The following SON variants were observed in gnomAD, a reference collection of about 807,000 sequenced individuals.
The protein encoded by SON is SON DNA and RNA binding protein.
In SON, 4 loss-of-function variants were observed where a neutral mutation model predicts 173.3. The ratio of observed to expected loss-of-function variants is 0.02; its 90% CI spans 0.01 to 0.05. The LOEUF is 0.05. SON is among the 10% of genes least tolerant of loss of function. The pLI, the probability that SON is intolerant of heterozygous loss-of-function variation, is 1.00. For missense variants in SON, 2,626 were observed against 3,055.3 expected, an observed-to-expected ratio of 0.86 and a Z score of 3.31; for synonymous variants, 1,190 against 1,105.9, an observed-to-expected ratio of 1.08 and a Z score of -1.51.
rs73900349 is a variant in SON at position 33,551,781 on chromosome 21, C to G, written c.2550C>G (p.Thr850=). ...TMDSQMLATS[T]MDSQMLATSS... The stretch of plus-strand genomic sequence containing the variant: ...ATTCTCAGATGTTAGCAACCAGCAC[C>G]ATGGACTCCCAGATGTTAGCAACTA... Residue 850 remains threonine (T), a synonymous_variant, in exon 3 of 12, where the codon ACC becomes ACG. Coordinates refer to ENST00000356577, the MANE Select transcript of SON (RefSeq NM_138927.4). The G allele has an allele frequency of 2.5e-6, 4 of 1,612,946 alleles. No individual in the cohort carries two copies. The African/African-American group carries it at 5.4e-5, about 22-fold the overall frequency.
Position 33,555,018 on chromosome 21 carries a change from T to G in SON, c.5787T>G (p.Ser1929Arg). ...GAAGTCGAACCCCAAGTCGTCGGAG[T>G]CGGAGTCATACTCCAAGTCGTCGAC... ...RARSRTPSRRSRSHTPSRRRR... is the reference protein window; with the variant it reads ...RARSRTPSRRRRSHTPSRRRR... Residue 1929 changes from serine to arginine, a missense_variant, in exon 3 of 12, where the codon AGT (serine) becomes AGG (arginine). This residue lies in a region of SON where 138 missense variants were observed against 222.9 expected (regional missense o/e 0.62). Coordinates refer to ENST00000356577, the MANE Select transcript of SON (RefSeq NM_138927.4). 6.2e-7 allele frequency: 1 copy of G among 1,612,298 alleles called. No individual in the cohort carries two copies. The highest frequency in any genetic ancestry group is 8.5e-7 in the Non-Finnish European group (1 of 1,179,822).
intron 6 of SON, among the ~76,000 whole-genome samples, chr21:33,562,916 GT>G (rs2145858031): frequency 6.6e-6 from 1 of 152,242 alleles, no homozygotes; most frequent in Admixed American, 6.5e-5. Flanking sequence ...TCAATCAAAT[GT>G]TTTAGGGGTC....
At chr21:33,546,458 G>A in intron 2 of SON, 79 bp downstream of exon 2, 1 of 1,140,320 alleles carries the variant, frequency 8.8e-7, no homozygotes. Flanking sequence ...GTTAGTTTTT[G>A]ACTTCAGTAT....
At position 33,551,986 on chromosome 21, in the gene SON, G is replaced by T; in HGVS notation, c.2755G>T (p.Asp919Tyr). The change falls in exon 3 of 12, where the codon GAT (aspartate) becomes TAT (tyrosine). Residue 919 changes from aspartate (D) to tyrosine (Y), a missense_variant. This residue lies in a region of SON where 366 missense variants were observed against 448.6 expected (regional missense o/e 0.82). Coordinates refer to ENST00000356577, the MANE Select transcript of SON (RefSeq NM_138927.4). ...KSPDPYRLAQ[D>Y]PYRLAQDPYR... ...TCCTGATCCCTATAGGTTAGCTCAG[G>T]ATCCTTACAGGTTAGCTCAGGATCC... 6.2e-7 allele frequency: 1 copy of T among 1,613,892 alleles called. No homozygotes were observed. The highest frequency in any genetic ancestry group is 2.2e-5 in the East Asian group (1 of 44,876).
intron 4 of SON, chr21:33,557,712 A>T: frequency 7.0e-7 from 1 of 1,433,086 alleles, no homozygotes; most frequent in Non-Finnish European, 9.1e-7. Context: ...AATCTTCAGA[A>T]ATGATCTTTT....
At position 33,550,262 on chromosome 21, in the gene SON, T is replaced by C; in HGVS notation, c.1031T>C (p.Val344Ala). The change falls in exon 3 of 12, where the codon GTA becomes GCA. Residue 344 changes from valine to alanine, a missense_variant. Physicochemically the swap from Val to Ala is moderately conservative, Grantham distance 64. This residue lies in a region of SON where 757 missense variants were observed against 730.1 expected (regional missense o/e 1.04). Transcript: ENST00000356577. ...GCGCTAAGATTGCCAGAGCAGCCTG[T>C]AGACGTACCATCGGAGATTGCAGAT... ...IEALRLPEQP[V>A]DVPSEIADSS... The C allele has an allele frequency of 6.2e-7, 1 of 1,613,816 alleles. No homozygotes were observed. Among genetic ancestry groups the C allele is most frequent in the Non-Finnish European group, 8.5e-7 (1 of 1,179,934 alleles).
At chr21:33,567,373 G>A (rs554910849) in intron 7 of SON, 106 bp downstream of exon 7, 5 of 695,822 alleles carry the variant, frequency 7.2e-6, no homozygotes, top group South Asian at 3.1e-5. Context: ...AGATGGTTGA[G>A]TTGTAACATC....
intron 2 of SON, among the ~76,000 whole-genome samples, chr21:33,548,175 CCTT>C (rs1037757896): frequency 4.9e-4 from 75 of 152,208 alleles, no homozygotes; most frequent in Admixed American, 1.8e-3. Flanking sequence ...TAAATTCAAA[CCTT>C]CTTAAGTTGT....
chr21:33,553,710 T>C lies in SON; in HGVS notation c.4479T>C (p.Asp1493=), dbSNP rs185742164. Residue 1493 remains aspartate, a synonymous_variant, in exon 3 of 12, where the codon GAT becomes GAC. Coordinates refer to ENST00000356577, the MANE Select transcript of SON (RefSeq NM_138927.4). ...AAGGAATTAATCTATCCTCTGGTGA[T>C]CAAAATCTTGCTCCAGAGATTGGCA... is the stretch of plus-strand genomic sequence containing the variant. ...VMKGINLSSG[D]QNLAPEIGMQ... 1 of 1,613,978 alleles carries C rather than the reference T, an allele frequency of 6.2e-7. No homozygotes were observed. The highest frequency in any genetic ancestry group is 1.3e-5 in the African/African-American group (1 of 75,034).
intron 2 of SON, among the ~76,000 whole-genome samples, chr21:33,548,201 A>G (rs540070586): frequency 5.4e-4 from 82 of 151,912 alleles, no homozygotes; most frequent in African/African-American, 2.0e-3. Flanking sequence ...ATTAAGGACT[A>G]AGAATTTCCT....
Position 33,551,083 on chromosome 21 carries a change from C to T in SON, c.1852C>T (p.Leu618=), listed in dbSNP as rs2085769330. ...GGGGCAGTCTGGGGCAGCTGGAGCA[C>T]TGGAGCTTTTGGGGCAGCCTCTGGC... ...FSGQSGAAGA[L]ELLGQPLATG... is the part of the protein sequence containing the mutation. Residue 618 remains leucine (L), a synonymous_variant, in exon 3 of 12, where the codon CTG becomes TTG. Transcript: ENST00000356577. The T allele has an allele frequency of 1.9e-6, 3 of 1,612,640 alleles. No homozygotes were observed. The highest frequency in any genetic ancestry group is 2.5e-6 in the Non-Finnish European group (3 of 1,179,330).
rs760341788 is a variant in SON, at chr21:33,554,439, G to A, written c.5208G>A (p.Pro1736=). 1.4e-5 allele frequency: 23 copies of A among 1,613,996 alleles called. No homozygotes were observed. The highest frequency in any genetic ancestry group is 6.7e-5 in the Admixed American group (4 of 60,012). The change falls in exon 3 of 12, where the codon CCG becomes CCA. Residue 1736 remains proline, a synonymous_variant. Transcript: ENST00000356577. ...TTAATGAAGCAGATTTAGTGAGACC[G>A]TTACTTCCTAAGGACATGGAACGTC... is the stretch of plus-strand genomic sequence containing the variant. The part of the protein sequence containing the change: ...EDINEADLVR[P]LLPKDMERLT...
chr21:33,549,876 A>C lies in SON; in HGVS notation c.645A>C (p.Ser215=). ...CAGCTACAAAAACTGCAGAACTGTC[A>C]GTTGTATCTACATCAGTAATCTCAG... ...LKPATKTAEL[S]VVSTSVISEQ... is the part of the protein sequence containing the mutation. Residue 215 remains serine, a synonymous_variant, in exon 3 of 12, where the codon TCA becomes TCC. Coordinates refer to ENST00000356577, the MANE Select transcript of SON (RefSeq NM_138927.4). The C allele has an allele frequency of 6.2e-7, 1 of 1,614,262 alleles. No individual in the cohort carries two copies. The highest frequency in any genetic ancestry group is 8.5e-7 in the Non-Finnish European group (1 of 1,180,052).
chr21:33,573,331 G>T lies in SON; in HGVS notation c.6909G>T (p.Pro2303=), dbSNP rs770986559. ...IKKDQFLRAA[P]VTGGMGAVLM... ...AGGATCAGTTCTTAAGAGCAGCCCC[G>T]GTAACTGGAGGAATGGGAGCCGTTT... is the stretch of plus-strand genomic sequence containing the variant. Residue 2303 remains proline, a synonymous_variant, in exon 9 of 12, where the codon CCG becomes CCT. Transcript: ENST00000356577. The T allele has an allele frequency of 1.2e-6, 2 of 1,611,192 alleles. No individual in the cohort carries two copies. The highest frequency in any genetic ancestry group is 2.7e-5 in the African/African-American group (2 of 74,922).
chr21:33,563,825 C>T (rs2086114327), intron 6 of SON, among the ~76,000 whole-genome samples: 1 of 152,138 alleles, frequency 6.6e-6, no homozygotes, highest in South Asian at 2.1e-4. Context: ...ATGCCTCAGA[C>T]ACCTTTGTAG....
At chr21:33,569,474 T>A in intron 8 of SON, 1 of 351,006 alleles carries the variant, frequency 2.8e-6, no homozygotes, top group South Asian at 2.3e-5. Context: ...GATACTTTAT[T>A]ACAGGTTTAT....
At position 33,555,162 on chromosome 21, in the gene SON, C is replaced by CCGCACCCCCAGCCGCCGG. The variant is rs1569059542; in HGVS notation, c.5931_5932insCGCACCCCCAGCCGCCGG (p.Arg1972_Arg1977dup). The CCGCACCCCCAGCCGCCGG allele has an allele frequency of 1.4e-5, 20 of 1,432,288 alleles. No individual in the cohort carries two copies. The African/African-American group carries it at 4.0e-4, about 29-fold the overall frequency. 88.7% of individuals were successfully genotyped at this position (1,432,288 alleles called of 1,614,324 possible). A position where few individuals can be genotyped will look rare whatever the true frequency, so the allele number is the denominator to read the frequency against. ...GCCGCAGCCGCACCCCCAGCCGCCG[C>CCGCACCCCCAGCCGCCGG]AGCCGCACCCCCAGCCGCCGGAGCC... On this transcript the variant is annotated inframe_insertion, in exon 3 of 12. Transcript: ENST00000356577.
chr21:33,573,237 A>G, intron 8 of SON, 71 bp from the exon 9 acceptor site: 3 of 1,282,644 alleles, frequency 2.3e-6, no homozygotes, highest in Non-Finnish European at 3.3e-6. Context: ...CTTTTTAGAA[A>G]GTAAACAATG....
chr21:33,550,805 C>T lies in SON; in HGVS notation c.1574C>T (p.Pro525Leu). Residue 525 changes from proline to leucine, a missense_variant, in exon 3 of 12, where the codon CCT (proline) becomes CTT (leucine). Transcript: ENST00000356577. ...QPVGMTTVEH[P>L]GHPEVTTATG... The stretch of plus-strand genomic sequence containing the variant: ...GTGGGGATGACAACGGTGGAACATC[C>T]TGGGCATCCTGAGGTGACAACGGCA... 6.2e-7 allele frequency: 1 copy of T among 1,614,148 alleles called. No individual in the cohort carries two copies. The highest frequency in any genetic ancestry group is 8.5e-7 in the Non-Finnish European group (1 of 1,179,968).
Sources: gnomAD v4.1 joint callset for allele counts (sites outside exome capture counted in the v4.1 genomes callset) on GRCh38, gnomAD v4.1.1 for gene constraint, gnomAD v4.1.1 regional missense constraint, MANE v1.5 for transcripts, NCBI Gene and HGNC (gene_info 2026-07-23, HGNC 2026-07-21) for gene names.